The following HOXC11 variants were observed in gnomAD, a reference collection of about 807,000 sequenced individuals.
HOXC11 encodes the protein homeobox protein Hox-C11.
Under a neutral mutation model 23.6 loss-of-function variants are expected in HOXC11, and 17 were observed. That is an observed-to-expected ratio of 0.72 (90% CI 0.49 to 1.08). The LOEUF is 1.08. Ranked by LOEUF, HOXC11 falls within the 50% of genes least tolerant of loss-of-function variation. The pLI, the probability that HOXC11 is intolerant of heterozygous loss-of-function variation, is 0.00. For missense variants in HOXC11, 413 were observed against 412.1 expected, an observed-to-expected ratio of 1.00 and a Z score of -0.02; for synonymous variants, 196 against 183.8, an observed-to-expected ratio of 1.07 and a Z score of -0.54.
At position 53,975,627 on chromosome 12, in the gene HOXC11, G is replaced by C; in HGVS notation, c.*214G>C. On this transcript the variant is annotated 3_prime_UTR_variant, in exon 2 of 2. Transcript: ENST00000546378. ...GGACAGGGACCGGGCCTGGAAAGGG[G>C]GTGAAGGGAAGTGTCTGATGCACGG... is the stretch of plus-strand genomic sequence containing the variant. The C allele has an allele frequency of 1.6e-6, 1 of 631,602 alleles. No homozygotes were observed. Among genetic ancestry groups the C allele is most frequent in the East Asian group, 2.8e-5 (1 of 35,808 alleles). The allele number at this position is 631,602 out of a possible 1,614,324, so 39.1% of individuals were successfully genotyped here. A position where few individuals can be genotyped will look rare whatever the true frequency, so the allele number is the denominator to read the frequency against.
In HOXC11 at chr12:53,973,470, C is replaced by T. The variant is rs748782060; in HGVS notation, c.229C>T (p.Leu77=). The part of the protein sequence containing the change: ...VPPVREVSYG[L]EPSGKWHHRN... ...CCCGGTCCGGGAGGTCTCCTACGGC[C>T]TGGAGCCATCCGGCAAGTGGCACCA... The change falls in exon 1 of 2, where the codon CTG becomes TTG. Residue 77 remains leucine, a synonymous_variant. Coordinates refer to ENST00000546378, the MANE Select transcript of HOXC11 (RefSeq NM_014212.4). This position sits in a 1 kb window ranked among gnomAD's most constrained non-coding sequence, Gnocchi z 4.3. The T allele has an allele frequency of 1.2e-6, 2 of 1,614,180 alleles. No individual in the cohort carries two copies. The highest frequency in any genetic ancestry group is 1.7e-6 in the Non-Finnish European group (2 of 1,180,030).
Position 53,973,141 on chromosome 12 carries a change from G to A in HOXC11, c.-101G>A. The A allele has an allele frequency of 1.2e-6, 1 of 853,032 alleles. No homozygotes were observed. The highest frequency in any genetic ancestry group is 1.8e-6 in the Non-Finnish European group (1 of 558,232). The allele number at this position is 853,032 out of a possible 1,614,324, so 52.8% of individuals were successfully genotyped here. The stretch of plus-strand genomic sequence containing the variant: ...TTTGGATCACGTGCTCAGAGAGAGA[G>A]AGACTAAGACGGATAACGCGTCATC... On this transcript the variant is annotated 5_prime_UTR_variant, in exon 1 of 2. Coordinates refer to ENST00000546378, the MANE Select transcript of HOXC11 (RefSeq NM_014212.4). This position sits in a 1 kb window ranked among gnomAD's most constrained non-coding sequence, Gnocchi z 4.3.
Position 53,975,725 on chromosome 12 carries a change from C to A in HOXC11, c.*312C>A, listed in dbSNP as rs1427037124. On this transcript the variant is annotated 3_prime_UTR_variant, in exon 2 of 2. Transcript: ENST00000546378. ...AACACACCTCGGCGACAATGTCTTG[C>A]TGCTCGGATTAGGTGGGGGAGGGGC... 1.8e-6 allele frequency: 1 copy of A among 547,584 alleles called. No homozygotes were observed. Among genetic ancestry groups the A allele is most frequent in the African/African-American group, 1.9e-5 (1 of 52,054 alleles). 33.9% of individuals were successfully genotyped at this position (547,584 alleles called of 1,614,324 possible). A position where few individuals can be genotyped will look rare whatever the true frequency, so the allele number is the denominator to read the frequency against.
chr12:53,973,153 G>A lies in HOXC11; in HGVS notation c.-89G>A. On this transcript the variant is annotated 5_prime_UTR_variant, in exon 1 of 2. Coordinates refer to ENST00000546378, the MANE Select transcript of HOXC11 (RefSeq NM_014212.4). This position sits in a 1 kb window ranked among gnomAD's most constrained non-coding sequence, Gnocchi z 4.3. ...GCTCAGAGAGAGAGAGACTAAGACG[G>A]ATAACGCGTCATCTCGCCTTCCCAA... The A allele has an allele frequency of 2.1e-6, 2 of 959,608 alleles. No individual in the cohort carries two copies. The highest frequency in any genetic ancestry group is 3.1e-6 in the Non-Finnish European group (2 of 648,780). 59.4% of individuals were successfully genotyped at this position (959,608 alleles called of 1,614,324 possible).
Position 53,975,637 on chromosome 12 carries a change from A to G in HOXC11, c.*224A>G. The stretch of plus-strand genomic sequence containing the variant: ...CGGGCCTGGAAAGGGGGTGAAGGGA[A>G]GTGTCTGATGCACGGCGAGTGAACA... On this transcript the variant is annotated 3_prime_UTR_variant, in exon 2 of 2. Transcript: ENST00000546378. 3.2e-6 allele frequency: 2 copies of G among 622,998 alleles called. No homozygotes were observed. Among genetic ancestry groups the G allele is most frequent in the Non-Finnish European group, 5.7e-6 (2 of 350,408 alleles). The allele number at this position is 622,998 out of a possible 1,614,324, so 38.6% of individuals were successfully genotyped here.
rs1255851421 is a variant in HOXC11 at position 53,973,678 on chromosome 12, T to C, written c.437T>C (p.Val146Ala). The C allele has an allele frequency of 1.2e-6, 2 of 1,613,516 alleles. No homozygotes were observed. The highest frequency in any genetic ancestry group is 1.7e-5 in the Admixed American group (1 of 60,014). The change falls in exon 1 of 2, where the codon GTC becomes GCC. Residue 146 changes from valine (V) to alanine (A), a missense_variant. Val to Ala is a moderately conservative substitution (Grantham distance 64, BLOSUM62 0). Transcript: ENST00000546378. The surrounding 1 kb of genome is among the most constrained non-coding windows in gnomAD (Gnocchi z 4.3). The stretch of plus-strand genomic sequence containing the variant: ...TACTCCTCAGTCAACAAGAACAGCG[T>C]CCTGCCTCAAGCCTTCGACCGTTTC... Reference protein sequence around the residue: ...GFYSSVNKNSVLPQAFDRFFD... With the variant: ...GFYSSVNKNSALPQAFDRFFD...
In HOXC11 at chr12:53,975,883, T is replaced by TGCCCCACTACTTTAGGGG. The variant is rs11267962; in HGVS notation, c.*472_*473insCCCACTACTTTAGGGGGC. 338,648 of 353,966 alleles carry TGCCCCACTACTTTAGGGG rather than the reference T, an allele frequency of 0.96. 162,850 individuals carry two copies. Among genetic ancestry groups the TGCCCCACTACTTTAGGGG allele is most frequent in the Non-Finnish European group, 0.99 (195,760 of 198,100 alleles). 21.9% of individuals were successfully genotyped at this position (353,966 alleles called of 1,614,324 possible). A position where few individuals can be genotyped will look rare whatever the true frequency, so the allele number is the denominator to read the frequency against. ...CTCCCCCCTCTACCCCGCCCCACCT[T>TGCCCCACTACTTTAGGGG]GCAGCTAAATGTGATCCTGCCTTGC... On this transcript the variant is annotated 3_prime_UTR_variant, in exon 2 of 2. Coordinates refer to ENST00000546378, the MANE Select transcript of HOXC11 (RefSeq NM_014212.4).
chr12:53,973,700 TTTC>T lies in HOXC11; in HGVS notation c.463_465del (p.Phe155del), dbSNP rs749499195. ...GCGTCCTGCCTCAAGCCTTCGACCGTTTCTTCGACAACGCCTACTGCGGTGGCG... is the reference window on the plus strand; with the variant it reads ...GCGTCCTGCCTCAAGCCTTCGACCGTTTCGACAACGCCTACTGCGGTGGCG... On this transcript the variant is annotated inframe_deletion, in exon 1 of 2. Transcript: ENST00000546378. This position sits in a 1 kb window ranked among gnomAD's most constrained non-coding sequence, Gnocchi z 4.3. 6.2e-7 allele frequency: 1 copy of T among 1,613,570 alleles called. No homozygotes were observed. The highest frequency in any genetic ancestry group is 1.3e-5 in the African/African-American group (1 of 75,032).
In HOXC11 at chr12:53,973,137, G is replaced by T; in HGVS notation, c.-105G>T. The stretch of plus-strand genomic sequence containing the variant: ...CTACTTTGGATCACGTGCTCAGAGA[G>T]AGAGAGACTAAGACGGATAACGCGT... On this transcript the variant is annotated 5_prime_UTR_variant, in exon 1 of 2. Coordinates refer to ENST00000546378, the MANE Select transcript of HOXC11 (RefSeq NM_014212.4). The surrounding 1 kb of genome is among the most constrained non-coding windows in gnomAD (Gnocchi z 4.3). 1 of 830,596 alleles carries T rather than the reference G, an allele frequency of 1.2e-6. No homozygotes were observed. Among genetic ancestry groups the T allele is most frequent in the Non-Finnish European group, 1.9e-6 (1 of 538,600 alleles). The allele number at this position is 830,596 out of a possible 1,614,324, so 51.5% of individuals were successfully genotyped here.
rs1002859654 is a variant in HOXC11 at position 53,976,821 on chromosome 12, T to C, written c.*1408T>C. ...CCCTTCTGCCAGATGTCTCCGTCTG[T>C]CGCAGTTAAATGTGTAGTGTGGAGG... is the stretch of plus-strand genomic sequence containing the variant. On this transcript the variant is annotated 3_prime_UTR_variant, in exon 2 of 2. Coordinates refer to ENST00000546378, the MANE Select transcript of HOXC11 (RefSeq NM_014212.4). 1.3e-5 allele frequency: 2 copies of C among 152,134 alleles called. No homozygotes were observed. The highest frequency in any genetic ancestry group is 1.3e-4 in the Admixed American group (2 of 15,286). The allele number at this position is 152,134 out of a possible 1,614,324, so 9.4% of individuals were successfully genotyped here.
Position 53,975,508 on chromosome 12 carries a change from TG to T in HOXC11, c.*97del. ...TTCTAACTCGTCTTCTTTCCGCCGG[TG>T]GAAAACTGGACTGTGGCCAGGGCTG... On this transcript the variant is annotated 3_prime_UTR_variant, in exon 2 of 2. Transcript: ENST00000546378. 1 of 919,150 alleles carries T rather than the reference TG, an allele frequency of 1.1e-6. No homozygotes were observed. 56.9% of individuals were successfully genotyped at this position (919,150 alleles called of 1,614,324 possible).
chr12:53,973,417 T>C lies in HOXC11; in HGVS notation c.176T>C (p.Ile59Thr). ...SFLPQAPSRQISYPYSAQVPP... is the reference protein window; with the variant it reads ...SFLPQAPSRQTSYPYSAQVPP... ...CTGCCCCAGGCCCCCTCTCGTCAGA[T>C]CTCCTATCCCTACTCGGCCCAAGTG... The change falls in exon 1 of 2, where the codon ATC becomes ACC. Residue 59 changes from isoleucine (I) to threonine (T), a missense_variant. Coordinates refer to ENST00000546378, the MANE Select transcript of HOXC11 (RefSeq NM_014212.4). The surrounding 1 kb of genome is among the most constrained non-coding windows in gnomAD (Gnocchi z 4.3). 7 of 1,614,048 alleles carry C rather than the reference T, an allele frequency of 4.3e-6. No homozygotes were observed. The highest frequency in any genetic ancestry group is 5.9e-6 in the Non-Finnish European group (7 of 1,180,000).
rs756416082 is a variant in HOXC11 at position 53,975,169 on chromosome 12, C to T, written c.683-12C>T. The stretch of plus-strand genomic sequence containing the variant: ...CCCCTCTCCTCGCACTTGCCCCCTC[C>T]CCTCCCTCCAGACGCCCCCCGCACC... On this transcript the variant is annotated splice_polypyrimidine_tract_variant and intron_variant, in intron 1 of 1. Transcript: ENST00000546378. 9 of 1,459,812 alleles carry T rather than the reference C, an allele frequency of 6.2e-6. No individual in the cohort carries two copies. Among genetic ancestry groups the T allele is most frequent in the South Asian group, 5.8e-5 (5 of 85,824 alleles). 90.4% of individuals were successfully genotyped at this position (1,459,812 alleles called of 1,614,324 possible).
chr12:53,974,375 G>C (rs1169498481), intron 1 of HOXC11, among the ~76,000 whole-genome samples: 1 of 151,996 alleles, frequency 6.6e-6, no homozygotes, highest in Non-Finnish European at 1.5e-5. Context: ...GATCCAGAGA[G>C]GGGGAGAGGT....
chr12:53,975,005 AG>A, intron 1 of HOXC11, 175 bp from the exon 2 acceptor site: 1 of 575,422 alleles, frequency 1.7e-6, no homozygotes, highest in Non-Finnish European at 3.1e-6. Context: ...TAGACCTGGC[AG>A]GGGGTCGAGG....
In HOXC11 at chr12:53,975,308, C is replaced by A. The variant is rs557731250; in HGVS notation, c.810C>A (p.Asn270Lys). The A allele has an allele frequency of 3.1e-6, 5 of 1,613,760 alleles. No homozygotes were observed. In the African/African-American group the frequency reaches 5.3e-5, roughly 17 times the overall value. ...GGCTGCAGCTGTCCCGGATGCTGAA[C>A]CTGACGGACCGACAAGTGAAAATTT... Reference protein sequence around the residue: ...EKRLQLSRMLNLTDRQVKIWF... With the variant: ...EKRLQLSRMLKLTDRQVKIWF... Residue 270 changes from asparagine to lysine, a missense_variant, in exon 2 of 2, where the codon AAC (asparagine) becomes AAA (lysine). By Grantham distance (94) the Asn-to-Lys change is moderately conservative. Transcript: ENST00000546378.
rs1399721987 is a variant in HOXC11, at chr12:53,975,533, T to C, written c.*120T>C. ...TGGAAAACTGGACTGTGGCCAGGGC[T>C]GGCCCCCACCGCTGTGGCCGGCACT... On this transcript the variant is annotated 3_prime_UTR_variant, in exon 2 of 2. Transcript: ENST00000546378. The C allele has an allele frequency of 2.6e-6, 2 of 781,206 alleles. No homozygotes were observed. Among genetic ancestry groups the C allele is most frequent in the Admixed American group, 4.1e-5 (2 of 49,012 alleles). 48.4% of individuals were successfully genotyped at this position (781,206 alleles called of 1,614,324 possible).
Position 53,975,421 on chromosome 12 carries a change from AC to A in HOXC11, c.*10del, listed in dbSNP as rs776048833. The A allele has an allele frequency of 2.0e-6, 2 of 996,000 alleles. No individual in the cohort carries two copies. Among genetic ancestry groups the A allele is most frequent in the South Asian group, 2.5e-5 (2 of 78,502 alleles). 61.7% of individuals were successfully genotyped at this position (996,000 alleles called of 1,614,324 possible). The stretch of plus-strand genomic sequence containing the variant: ...GGAAATCCTCTGCTGTAACCTGCAG[AC>A]CGGGCCCTTTTGGGGGCGGGGGGAG... On this transcript the variant is annotated 3_prime_UTR_variant, in exon 2 of 2. Transcript: ENST00000546378.
In HOXC11 at chr12:53,973,889, C is replaced by G. The variant is rs1026866948; in HGVS notation, c.648C>G (p.Ser216=). The change falls in exon 1 of 2, where the codon TCC becomes TCG. Residue 216 remains serine (S), a synonymous_variant. Coordinates refer to ENST00000546378, the MANE Select transcript of HOXC11 (RefSeq NM_014212.4). This position sits in a 1 kb window ranked among gnomAD's most constrained non-coding sequence, Gnocchi z 4.3. Reference sequence around the variant, plus strand: ...CCAGCTCGTCCGGTTCAGCCCACTCCGTGGCCAAGGAGCCGGCCAAAGGAG... The same window carrying G: ...CCAGCTCGTCCGGTTCAGCCCACTCGGTGGCCAAGGAGCCGGCCAAAGGAG... ...TNPSSSGSAH[S]VAKEPAKGAA... The G allele has an allele frequency of 1.2e-5, 18 of 1,450,452 alleles. No individual in the cohort carries two copies. The highest frequency in any genetic ancestry group is 4.4e-5 in the South Asian group (3 of 68,048). The allele number at this position is 1,450,452 out of a possible 1,614,324, so 89.8% of individuals were successfully genotyped here.
Sources: gnomAD v4.1 joint callset for allele counts (sites outside exome capture counted in the v4.1 genomes callset) on GRCh38, gnomAD v4.1.1 for gene constraint, Gnocchi (gnomAD v3.1) non-coding constraint, MANE v1.5 for transcripts, NCBI Gene and HGNC (gene_info 2026-07-23, HGNC 2026-07-21) for gene names.